POC5: variants seen among roughly 807,000 people sequenced by gnomAD.
POC5 encodes POC5 centriolar protein.
A neutral mutation model predicts 62.9 loss-of-function variants in POC5; 48 were observed. The observed-to-expected ratio is 0.76, with a 90% CI of 0.61 to 0.97. The LOEUF (loss-of-function observed/expected upper bound fraction) is 0.97, where lower values mean the gene tolerates loss of function less well. POC5 is among the 50% of genes least tolerant of loss of function. The probability of loss-of-function intolerance (pLI) is 0.00; values close to 1 mark genes in which losing one functional copy is unlikely to be tolerated. For synonymous variants in POC5, 236 were observed against 228.2 expected (o/e 1.03, Z -0.31); for missense variants, 696 against 679.5 (o/e 1.02, Z -0.27).
At chr5:75,686,216 T>C (rs1310726577) in intron 9 of POC5, among the ~76,000 whole-genome samples, 1 of 152,218 alleles carries the variant, frequency 6.6e-6, no homozygotes, top group East Asian at 1.9e-4. Context: ...CTTCCAATTT[T>C]AGATGTTTTC....
At chr5:75,684,144 A>C (rs1775986902) in intron 10 of POC5, among the ~76,000 whole-genome samples, 1 of 152,128 alleles carries the variant, frequency 6.6e-6, no homozygotes, top group African/African-American at 2.4e-5. Context: ...TCTCCATTCC[A>C]ATTACAAATT....
chr5:75,705,627 C>T, intron 4 of POC5, 77 bp downstream of exon 4: 5 of 810,632 alleles, frequency 6.2e-6, no homozygotes, highest in South Asian at 4.5e-5. Context: ...GAAATTATTC[C>T]TCTTACTACA....
rs1268395406 is a variant in POC5 at position 75,689,121 on chromosome 5, C to T, written c.1020G>A (p.Met340Ile). ...CTTCAAAGTGCTCTTTTTCATGTTG[C>T]ATTCTTTGAATCTCAGCTTTTGCAT... ...LENAKAEIQRMQHEKEHFEDS... is the reference protein window; with the variant it reads ...LENAKAEIQRIQHEKEHFEDS... Residue 340 changes from methionine to isoleucine, a missense_variant, in exon 9 of 12, where the codon ATG becomes ATA. Coordinates refer to ENST00000428202, the MANE Select transcript of POC5 (RefSeq NM_001099271.2). The T allele has an allele frequency of 6.3e-7, 1 of 1,581,558 alleles. No individual in the cohort carries two copies. Among genetic ancestry groups the T allele is most frequent in the East Asian group, 2.3e-5 (1 of 44,100 alleles).
intron 8 of POC5, 90 bp from the exon 9 acceptor site, chr5:75,689,255 CAT>C (rs1196600051): frequency 4.3e-6 from 6 of 1,386,172 alleles, no homozygotes; most frequent in East Asian, 2.6e-5. Context: ...AGATTATTCT[CAT>C]GTGAAATATT....
intron 1 of POC5, among the ~76,000 whole-genome samples, chr5:75,713,441 G>A (rs1336040573): frequency 6.6e-6 from 1 of 152,174 alleles, no homozygotes; most frequent in East Asian, 1.9e-4. Context: ...AGTACTTTTA[G>A]TAACAAGTAA....
At chr5:75,710,288 T>A (rs60423072) in intron 2 of POC5, among the ~76,000 whole-genome samples, 45,129 of 152,088 alleles carry the variant, frequency 0.3, 6,814 homozygotes, top group African/African-American at 0.35. Context: ...ACCCAAAATA[T>A]ACTTTTGATT....
At chr5:75,709,318 C>T (rs1224884109) in intron 2 of POC5, among the ~76,000 whole-genome samples, 1 of 152,106 alleles carries the variant, frequency 6.6e-6, no homozygotes, top group African/African-American at 2.4e-5. Flanking sequence ...AGTGATGTCA[C>T]CTTCATGAGA....
chr5:75,692,833 A>G (rs1776398874), intron 6 of POC5, among the ~76,000 whole-genome samples: 1 of 152,054 alleles, frequency 6.6e-6, no homozygotes, highest in African/African-American at 2.4e-5. Context: ...TATATACACC[A>G]TGTCTTTATT....
intron 1 of POC5, among the ~76,000 whole-genome samples, chr5:75,716,024 T>C (rs1388898284): frequency 6.6e-6 from 1 of 152,042 alleles, no homozygotes; most frequent in African/African-American, 2.4e-5. Flanking sequence ...AGTAAAACAA[T>C]TACAGGTCTT....
intron 10 of POC5, among the ~76,000 whole-genome samples, chr5:75,683,731 G>A (rs966253587): frequency 6.6e-6 from 1 of 151,494 alleles, no homozygotes; most frequent in African/African-American, 2.4e-5. Flanking sequence ...TAGAGACAGG[G>A]TCTTGCTCGT....
chr5:75,707,433 A>C (rs1777169208), intron 3 of POC5: 5 of 211,342 alleles, frequency 2.4e-5, no homozygotes, highest in Non-Finnish European at 2.9e-5. Flanking sequence ...CCTGGCATAA[A>C]ACTGTTGGAA....
In POC5 at chr5:75,704,528, T is replaced by C. The variant is rs532715432; in HGVS notation, c.307+1176A>G. Among the ~76,000 whole-genome samples, 5 of 152,356 alleles carry C rather than the reference T, an allele frequency of 3.3e-5. No homozygotes were observed. In the South Asian group the frequency reaches 6.2e-4, roughly 19 times the overall value. ...AAATGCTATCTGCATGTTCTGAGGA[T>C]GGTTAAGAAACCCAAAGAACAGGTG... On this transcript the variant is annotated intron_variant, in intron 4 of 11. Transcript: ENST00000428202.
At chr5:75,711,731 A>G (rs17563995) in intron 2 of POC5, among the ~76,000 whole-genome samples, 26,039 of 152,170 alleles carry the variant, frequency 0.17, 2,415 homozygotes, top group South Asian at 0.21. Flanking sequence ...CTCTCAGTTG[A>G]GCTTACATTA....
intron 11 of POC5, among the ~76,000 whole-genome samples, chr5:75,676,370 T>C (rs1350181378): frequency 6.6e-6 from 1 of 152,210 alleles, no homozygotes; most frequent in Non-Finnish European, 1.5e-5. Flanking sequence ...GTCCAACTTA[T>C]GAAACATGAA....
intron 5 of POC5, among the ~76,000 whole-genome samples, chr5:75,696,631 G>C (rs1342823059): frequency 6.6e-6 from 1 of 152,092 alleles, no homozygotes; most frequent in Non-Finnish European, 1.5e-5. Context: ...AGAAAAACTG[G>C]AAACTCTAAA....
intron 10 of POC5, among the ~76,000 whole-genome samples, chr5:75,682,517 C>CTT (rs3041691): frequency 0.69 from 93,409 of 134,466 alleles, 32,750 homozygotes; most frequent in East Asian, 0.86. Context: ...TTATTTCTTT[C>CTT]TTTTTTTTTT....
At chr5:75,710,461 G>C (rs1368638568) in intron 2 of POC5, among the ~76,000 whole-genome samples, 1 of 152,070 alleles carries the variant, frequency 6.6e-6, no homozygotes, top group African/African-American at 2.4e-5. Context: ...CATTGGTTGG[G>C]GCCCTGAGAG....
At chr5:75,701,200 C>T (rs1776862198) in intron 5 of POC5, among the ~76,000 whole-genome samples, 1 of 142,182 alleles carries the variant, frequency 7.0e-6, no homozygotes, top group South Asian at 2.4e-4. Context: ...TACCATTTGA[C>T]CCAGCCATCC....
chr5:75,712,684 G>A lies in POC5; in HGVS notation c.84+170C>T, dbSNP rs529736184. On this transcript the variant is annotated intron_variant, in intron 2 of 11. Coordinates refer to ENST00000428202, the MANE Select transcript of POC5 (RefSeq NM_001099271.2). ...ATATTTTCTGAAAAGTTAAAACAATGTAAAGTCACTCCTAAAATGTGTACA... is the reference window on the plus strand; with the variant it reads ...ATATTTTCTGAAAAGTTAAAACAATATAAAGTCACTCCTAAAATGTGTACA... 8.2e-6 allele frequency: 6 copies of A among 728,036 alleles called. No individual in the cohort carries two copies. In the Admixed American group the frequency reaches 1.4e-4, roughly 17 times the overall value. 45.1% of individuals were successfully genotyped at this position (728,036 alleles called of 1,614,324 possible).
Sources: allele counts gnomAD v4.1 joint callset (sites outside exome capture counted in the v4.1 genomes callset), GRCh38; gene constraint gnomAD v4.1.1; transcripts MANE v1.5; gene names NCBI Gene and HGNC (gene_info 2026-07-23, HGNC 2026-07-21).